Variants in SIK3 observed in about 807,000 individuals in gnomAD.
SIK3 encodes SIK family kinase 3.
A neutral mutation model predicts 144.2 loss-of-function variants in SIK3; 28 were observed. That is an observed-to-expected ratio of 0.19 (90% CI 0.14 to 0.27). SIK3 has a LOEUF of 0.27. Among genes scored for constraint, SIK3 ranks in the 10% least tolerant of loss-of-function variants. The pLI, the probability that SIK3 is intolerant of heterozygous loss-of-function variation, is 1.00. For missense variants in SIK3, 1,319 were observed against 1,776.0 expected (o/e 0.74, Z 4.62); for synonymous variants, 686 against 676.3 (o/e 1.01, Z -0.22).
chr11:117,027,393 A>C (rs1952056296), intron 1 of SIK3, among the ~76,000 whole-genome samples: 1 of 152,120 alleles, frequency 6.6e-6, no homozygotes, highest in African/African-American at 2.4e-5. Context: ...CTAGACCATA[A>C]GCATCACAAA....
At chr11:116,967,028 AAAAAG>A (rs1209995893) in intron 1 of SIK3, among the ~76,000 whole-genome samples, 1 of 151,300 alleles carries the variant, frequency 6.6e-6, no homozygotes, top group Non-Finnish European at 1.5e-5. Flanking sequence ...AAAGAAAAAG[AAAAAG>A]AAAAGAAAAA....
At chr11:116,963,882 A>AT (rs2135429683) in intron 1 of SIK3, among the ~76,000 whole-genome samples, 1 of 152,352 alleles carries the variant, frequency 6.6e-6, no homozygotes, top group African/African-American at 2.4e-5. Flanking sequence ...AGAAAATAGA[A>AT]TTGTCAACAG....
At chr11:117,031,495 CATTTT>C (rs57767677) in intron 1 of SIK3, among the ~76,000 whole-genome samples, 26 of 146,206 alleles carry the variant, frequency 1.8e-4, no homozygotes, top group Admixed American at 7.5e-4. Context: ...ATGAATACAG[CATTTT>C]ATTTTATTTT....
chr11:117,081,994 C>G (rs1450772824), intron 1 of SIK3, among the ~76,000 whole-genome samples: 1 of 152,112 alleles, frequency 6.6e-6, no homozygotes, highest in Non-Finnish European at 1.5e-5. Context: ...ATAGACATTT[C>G]TCCAAAGGAA....
chr11:117,017,527 ATG>A (rs1491059235), intron 1 of SIK3, among the ~76,000 whole-genome samples: 2 of 112,608 alleles, frequency 1.8e-5, no homozygotes, highest in Non-Finnish European at 5.0e-5. Context: ...AATAAAACAA[ATG>A]TTTTTTTAAG....
At chr11:116,875,531 G>T in intron 9 of SIK3, 80 bp from the exon 10 acceptor site, 2 of 1,447,632 alleles carry the variant, frequency 1.4e-6, no homozygotes, top group Non-Finnish European at 1.9e-6. Context: ...AGTCTTGATT[G>T]CTAAAGTCTA....
chr11:117,064,912 A>G (rs991990829), intron 1 of SIK3, among the ~76,000 whole-genome samples: 8 of 152,028 alleles, frequency 5.3e-5, no homozygotes, highest in Non-Finnish European at 1.0e-4. Flanking sequence ...CACTTTGGGA[A>G]GCCGAGGTGG....
intron 1 of SIK3, among the ~76,000 whole-genome samples, chr11:117,095,181 TC>T (rs1955419514): frequency 8.4e-6 from 1 of 118,824 alleles, no homozygotes; most frequent in Admixed American, 1.0e-4. Context: ...TTGGAATGGG[TC>T]ATGTGTGTTT....
intron 1 of SIK3, among the ~76,000 whole-genome samples, chr11:117,068,008 T>C (rs1166761237): frequency 6.6e-6 from 1 of 151,876 alleles, no homozygotes; most frequent in African/African-American, 2.4e-5. Flanking sequence ...AAATAATTTG[T>C]AAAAAATAAA....
chr11:116,954,969 A>G (rs1949084768), intron 2 of SIK3, among the ~76,000 whole-genome samples: 1 of 152,230 alleles, frequency 6.6e-6, no homozygotes, highest in African/African-American at 2.4e-5. Flanking sequence ...TAAAAAGGAA[A>G]AAGGAAAAGG....
chr11:117,042,612 G>A (rs573616742), intron 1 of SIK3, among the ~76,000 whole-genome samples: 22 of 152,240 alleles, frequency 1.4e-4, no homozygotes, highest in Admixed American at 6.5e-4. Context: ...CTGACTACCC[G>A]AATGTTTTCA....
chr11:116,900,921 G>A (rs1409259638), intron 4 of SIK3, among the ~76,000 whole-genome samples: 2 of 151,280 alleles, frequency 1.3e-5, no homozygotes, highest in African/African-American at 4.9e-5. Flanking sequence ...CTGGAGTGCA[G>A]TGGTGCGATC....
At chr11:117,021,796 A>G (rs1951771502) in intron 1 of SIK3, among the ~76,000 whole-genome samples, 1 of 151,914 alleles carries the variant, frequency 6.6e-6, no homozygotes, top group Non-Finnish European at 1.5e-5. Context: ...CATCTCTAAA[A>G]AAACAGAATA....
At chr11:116,957,630 G>A (rs539002316) in intron 1 of SIK3, among the ~76,000 whole-genome samples, 40 of 152,186 alleles carry the variant, frequency 2.6e-4, no homozygotes, top group Middle Eastern at 6.8e-3. Flanking sequence ...TGTTTACTAT[G>A]GGCCAGGCAT....
At chr11:116,941,651 C>A (rs1314377920) in intron 3 of SIK3, among the ~76,000 whole-genome samples, 1 of 152,118 alleles carries the variant, frequency 6.6e-6, no homozygotes, top group African/African-American at 2.4e-5. Context: ...ATGTTGGCAC[C>A]ATTAAGAAAT....
At chr11:117,015,045 A>C (rs1024250859) in intron 1 of SIK3, among the ~76,000 whole-genome samples, 8 of 152,152 alleles carry the variant, frequency 5.3e-5, no homozygotes, top group African/African-American at 1.4e-4. Context: ...GCCTGGGCAA[A>C]AGAGCAAGGC....
At chr11:116,980,679 C>T (rs975082867) in intron 1 of SIK3, among the ~76,000 whole-genome samples, 3 of 151,962 alleles carry the variant, frequency 2.0e-5, no homozygotes, top group Admixed American at 6.6e-5. Context: ...ATGGTAAAAC[C>T]CTGTCTCTAC....
At chr11:117,010,538 G>A (rs1302919345) in intron 1 of SIK3, among the ~76,000 whole-genome samples, 29 of 152,072 alleles carry the variant, frequency 1.9e-4, no homozygotes, top group Admixed American at 1.9e-3. Context: ...CCAGGGTTGT[G>A]TCAGTTTACT....
At chr11:116,983,329 C>T (rs527359791) in intron 1 of SIK3, among the ~76,000 whole-genome samples, 1 of 150,696 alleles carries the variant, frequency 6.6e-6, no homozygotes, top group Non-Finnish European at 1.5e-5. Context: ...GTCAGGAGTT[C>T]GAGACAAGCC....
Sources: allele counts gnomAD v4.1 joint callset (sites outside exome capture counted in the v4.1 genomes callset), GRCh38; gene constraint gnomAD v4.1.1; transcripts MANE v1.5; gene names NCBI Gene and HGNC (gene_info 2026-07-23, HGNC 2026-07-21).